Variants in GRID1 observed in about 807,000 individuals in gnomAD.
GRID1 encodes glutamate receptor ionotropic, delta-1.
A neutral mutation model predicts 98.0 loss-of-function variants in GRID1; 28 were observed. The ratio of observed to expected loss-of-function variants is 0.29; its 90% CI spans 0.21 to 0.39. GRID1 has a LOEUF of 0.39. Ranked by LOEUF, GRID1 falls within the 10% of genes least tolerant of loss-of-function variation. The pLI is 1.00. For synonymous variants in GRID1, 553 were observed against 538.5 expected (o/e 1.03, Z -0.37); for missense variants, 1,111 against 1,340.5 (o/e 0.83, Z 2.67).
At chr10:85,820,079 TAGGC>T (rs1186072143) in intron 8 of GRID1, among the ~76,000 whole-genome samples, 7 of 77,736 alleles carry the variant, frequency 9.0e-5, no homozygotes, top group South Asian at 9.7e-4. Context: ...GGAAGGCAGG[TAGGC>T]AGGCAGGCAG....
At chr10:85,607,609 A>T (rs2616673) in intron 15 of GRID1, among the ~76,000 whole-genome samples, 3 of 151,954 alleles carry the variant, frequency 2.0e-5, no homozygotes, top group Non-Finnish European at 4.4e-5. Flanking sequence ...TCAGTTCAAT[A>T]GCAGATGTTT....
chr10:85,993,225 G>T (rs1424928090), intron 4 of GRID1, among the ~76,000 whole-genome samples: 1 of 152,172 alleles, frequency 6.6e-6, no homozygotes, highest in Non-Finnish European at 1.5e-5. Context: ...CAAGGGGAGG[G>T]ATGTGGGAGA....
intron 4 of GRID1, among the ~76,000 whole-genome samples, chr10:86,131,106 T>C (rs1315331520): frequency 6.6e-6 from 1 of 152,190 alleles, no homozygotes; most frequent in Non-Finnish European, 1.5e-5. Context: ...ATGGCACAGA[T>C]AGCTTCTCTG....
chr10:86,363,432 G>A (rs1342873091), intron 2 of GRID1, among the ~76,000 whole-genome samples: 1 of 152,350 alleles, frequency 6.6e-6, no homozygotes, highest in African/African-American at 2.4e-5. Context: ...AGGCTCTGGG[G>A]GCCGCGGGGC....
chr10:85,696,113 T>C (rs1841390161), intron 12 of GRID1, among the ~76,000 whole-genome samples: 1 of 152,134 alleles, frequency 6.6e-6, no homozygotes, highest in Non-Finnish European at 1.5e-5. Flanking sequence ...AACATATGTA[T>C]AGGGTATATA....
At chr10:86,106,291 T>C (rs1564676542) in intron 4 of GRID1, among the ~76,000 whole-genome samples, 1 of 152,226 alleles carries the variant, frequency 6.6e-6, no homozygotes, top group Non-Finnish European at 1.5e-5. Flanking sequence ...CAATTCTTCA[T>C]CTCAATGCAA....
intron 2 of GRID1, among the ~76,000 whole-genome samples, chr10:86,353,187 C>T (rs1007631286): frequency 1.3e-5 from 2 of 152,332 alleles, no homozygotes; most frequent in African/African-American, 2.4e-5. Context: ...AAGACGTCAC[C>T]GACAAGTCAA....
chr10:86,083,483 T>C (rs1844006906), intron 4 of GRID1, among the ~76,000 whole-genome samples: 1 of 152,242 alleles, frequency 6.6e-6, no homozygotes, highest in Non-Finnish European at 1.5e-5. Context: ...CTCGCTGTCA[T>C]GAGACAACTG....
At chr10:85,876,524 A>G (rs1226678254) in intron 5 of GRID1, among the ~76,000 whole-genome samples, 1 of 152,230 alleles carries the variant, frequency 6.6e-6, no homozygotes, top group Non-Finnish European at 1.5e-5. Flanking sequence ...GTCCTTTGCC[A>G]TATAAGGTAA....
chr10:85,603,321 T>C (rs911207122), intron 15 of GRID1, among the ~76,000 whole-genome samples: 1 of 152,110 alleles, frequency 6.6e-6, no homozygotes, highest in Admixed American at 6.5e-5. Flanking sequence ...GGGGGACATA[T>C]CCCTGTCTGG....
chr10:86,338,177 T>G (rs903380619), intron 2 of GRID1, among the ~76,000 whole-genome samples: 2 of 152,124 alleles, frequency 1.3e-5, no homozygotes, highest in African/African-American at 4.8e-5. Flanking sequence ...CATTGGTTCA[T>G]GGATAGGCAC....
rs1353110916 is a variant in GRID1, at chr10:85,916,512, A to G, written c.727-273T>C. On this transcript the variant is annotated intron_variant, in intron 4 of 15. Coordinates refer to ENST00000327946, the MANE Select transcript of GRID1 (RefSeq NM_017551.3). The surrounding 1 kb of genome is among the most constrained non-coding windows in gnomAD (Gnocchi z 4.0). Reference sequence around the variant, plus strand: ...GTTCCTGCAGGCAGCACAGGGTCACAGGCACAGGCACAGGCACAGCCCCCC... The same window carrying G: ...GTTCCTGCAGGCAGCACAGGGTCACGGGCACAGGCACAGGCACAGCCCCCC... 6.6e-6 allele frequency among the ~76,000 whole-genome samples: 1 copy of G among 152,290 alleles called. No homozygotes were observed. The highest frequency in any genetic ancestry group is 2.1e-4 in the South Asian group (1 of 4,830).
At chr10:86,126,341 G>T (rs1844753215) in intron 4 of GRID1, among the ~76,000 whole-genome samples, 1 of 152,240 alleles carries the variant, frequency 6.6e-6, no homozygotes, top group Non-Finnish European at 1.5e-5. Context: ...TGTAATCCCA[G>T]CTACTCCAGA....
chr10:85,798,300 T>C (rs143618858), intron 8 of GRID1, among the ~76,000 whole-genome samples: 1 of 152,292 alleles, frequency 6.6e-6, no homozygotes, highest in East Asian at 1.9e-4. Context: ...AGAAGAGATA[T>C]GCAAAGCAAT....
At chr10:85,839,098 T>C (rs1230039803) in intron 8 of GRID1, among the ~76,000 whole-genome samples, 4 of 152,130 alleles carry the variant, frequency 2.6e-5, no homozygotes, top group Non-Finnish European at 4.4e-5. Flanking sequence ...GATCTAACTA[T>C]CCTAAATATA....
chr10:85,964,064 A>G (rs1339748920), intron 4 of GRID1, among the ~76,000 whole-genome samples: 3 of 152,190 alleles, frequency 2.0e-5, no homozygotes. Context: ...AATACCTAGG[A>G]ATACAACTTA....
intron 12 of GRID1, among the ~76,000 whole-genome samples, chr10:85,716,452 C>A (rs1456400396): frequency 6.6e-6 from 1 of 151,836 alleles, no homozygotes; most frequent in Non-Finnish European, 1.5e-5. Flanking sequence ...GGGAGATATA[C>A]CTAATGCTAA....
At chr10:86,129,463 C>T (rs1844802830) in intron 4 of GRID1, among the ~76,000 whole-genome samples, 1 of 152,154 alleles carries the variant, frequency 6.6e-6, no homozygotes. Flanking sequence ...TGAGCAAACC[C>T]CAAAATCCCC....
chr10:85,701,707 T>G (rs1208034468), intron 12 of GRID1, among the ~76,000 whole-genome samples: 1 of 152,146 alleles, frequency 6.6e-6, no homozygotes. Flanking sequence ...AACTGATTAT[T>G]CTAAAGGAAG....
Sources: allele counts gnomAD v4.1 joint callset (sites outside exome capture counted in the v4.1 genomes callset), GRCh38; gene constraint gnomAD v4.1.1; non-coding constraint Gnocchi (gnomAD v3.1); transcripts MANE v1.5; gene names NCBI Gene and HGNC (gene_info 2026-07-23, HGNC 2026-07-21).